RBM26: variants seen among roughly 807,000 people sequenced by gnomAD.
RBM26 encodes the protein RNA binding motif protein 26, also known as RNA-binding protein 26.
RBM26 carries 30 observed loss-of-function variants against 123.6 expected under a neutral mutation model. That is an observed-to-expected ratio of 0.24 (90% CI 0.18 to 0.33). RBM26 has a LOEUF of 0.33. Ranked by LOEUF, RBM26 falls within the 10% of genes least tolerant of loss-of-function variation. The pLI is 1.00. For synonymous variants in RBM26, 400 were observed against 404.4 expected, an observed-to-expected ratio of 0.99 and a Z score of 0.13; for missense variants, 947 against 1,203.6, an observed-to-expected ratio of 0.79 and a Z score of 3.15.
Position 79,355,279 on chromosome 13 carries a change from T to G in RBM26, c.1795A>C (p.Ile599Leu), listed in dbSNP as rs1313236041. ...CCTTCTCTGTGCCAATAAACCTTAATAAAGCGATTGTTTAATACTGCTTCC... is the reference window on the plus strand; with the variant it reads ...CCTTCTCTGTGCCAATAAACCTTAAGAAAGCGATTGTTTAATACTGCTTCC... ...STEAVLNNRF[I>L]KVYWHREGST... Residue 599 changes from isoleucine (I) to leucine (L), a missense_variant, in exon 12 of 22, where the codon ATT becomes CTT. By Grantham distance (5) the Ile-to-Leu change is conservative. Transcript: ENST00000438737. 2 of 1,614,054 alleles carry G rather than the reference T, an allele frequency of 1.2e-6. No homozygotes were observed. The highest frequency in any genetic ancestry group is 1.7e-6 in the Non-Finnish European group (2 of 1,179,898).
At chr13:79,358,637 A>G (rs1210499424) in intron 10 of RBM26, among the ~76,000 whole-genome samples, 1 of 152,194 alleles carries the variant, frequency 6.6e-6, no homozygotes, top group Non-Finnish European at 1.5e-5. Context: ...ATGGAAGCCA[A>G]CTGAGAAGGG....
At chr13:79,383,819 A>G (rs993484285) in intron 1 of RBM26, among the ~76,000 whole-genome samples, 1 of 152,230 alleles carries the variant, frequency 6.6e-6, no homozygotes, top group Non-Finnish European at 1.5e-5. Context: ...AGAAAACAGA[A>G]AAGATAAAAC....
At position 79,366,032 on chromosome 13, in the gene RBM26, T is replaced by C. The variant is rs201881267; in HGVS notation, c.1276+23A>G. On this transcript the variant is annotated intron_variant, in intron 8 of 21. Coordinates refer to ENST00000438737, the MANE Select transcript of RBM26 (RefSeq NM_001366735.2). ...ATCTAAAACTGTGTTACATTACGAA[T>C]ATAAAAAGGGCCAAAACTGCACCTG... 4.4e-5 allele frequency: 71 copies of C among 1,608,478 alleles called. No individual in the cohort carries two copies. The Middle Eastern group carries it at 1.2e-3, about 26-fold the overall frequency.
downstream of RBM26, among the ~76,000 whole-genome samples, chr13:79,316,193 GT>G (rs1275594465): frequency 2.6e-3 from 4 of 1,528 alleles, no homozygotes; most frequent in Admixed American, 0.015. Flanking sequence ...AGTGGGGCAG[GT>G]GTGTGTGTGT....
At chr13:79,322,553 A>G (rs2067809202) in intron 20 of RBM26, 91 bp from the exon 21 acceptor site, 3 of 773,868 alleles carry the variant, frequency 3.9e-6, no homozygotes, top group Admixed American at 3.4e-5. Context: ...AAATTAAAAT[A>G]GCTAAAGACA....
At chr13:79,402,884 C>T (rs2079172392) in intron 1 of RBM26, among the ~76,000 whole-genome samples, 1 of 129,372 alleles carries the variant, frequency 7.7e-6, no homozygotes, top group Non-Finnish European at 1.7e-5. Context: ...TTGCACACTG[C>T]TTAGCACAGA....
At chr13:79,342,156 T>G (rs2071494154) in intron 17 of RBM26, among the ~76,000 whole-genome samples, 1 of 151,746 alleles carries the variant, frequency 6.6e-6, no homozygotes, top group African/African-American at 2.4e-5. Flanking sequence ...AAATATCAAT[T>G]AGAGTCATGA....
At position 79,368,746 on chromosome 13, in the gene RBM26, C is replaced by T. The variant is rs375141093; in HGVS notation, c.879G>A (p.Arg293=). 6.2e-7 allele frequency: 1 copy of T among 1,613,884 alleles called. No individual in the cohort carries two copies. The highest frequency in any genetic ancestry group is 1.7e-5 in the Admixed American group (1 of 60,020). ...AAGACTTACCATCATAGTCTCTACA[C>T]CGTTTCTTTGGCATGGGTGGTCTTA... The part of the protein sequence containing the change: ...SYVRPPMPKK[R]CRDYDEKGFC... The change falls in exon 6 of 22, where the codon CGG becomes CGA. Residue 293 remains arginine, a synonymous_variant. Transcript: ENST00000438737.
chr13:79,368,264 G>A (rs1287311276), intron 6 of RBM26, among the ~76,000 whole-genome samples: 1 of 152,164 alleles, frequency 6.6e-6, no homozygotes, highest in Admixed American at 6.5e-5. Flanking sequence ...CTGACCTCAT[G>A]ATCCACCCAC....
chr13:79,320,177 C>T lies in RBM26; in HGVS notation c.*444G>A. 1.0e-6 allele frequency: 1 copy of T among 952,398 alleles called. No individual in the cohort carries two copies. Among genetic ancestry groups the T allele is most frequent in the Non-Finnish European group, 1.3e-6 (1 of 799,720 alleles). 59.0% of individuals were successfully genotyped at this position (952,398 alleles called of 1,614,324 possible). ...TACTATGTAATATTATAATACATAA[C>T]TTGGAGACTTTAGTTAGAGTACTAT... On this transcript the variant is annotated 3_prime_UTR_variant, in exon 22 of 22. Coordinates refer to ENST00000438737, the MANE Select transcript of RBM26 (RefSeq NM_001366735.2).
At chr13:79,355,841 C>G (rs1045248386) in intron 11 of RBM26, among the ~76,000 whole-genome samples, 3 of 125,976 alleles carry the variant, frequency 2.4e-5, no homozygotes, top group Non-Finnish European at 3.5e-5. Context: ...TCCAAAAGCA[C>G]AAGAAAATTT....
At chr13:79,371,520 G>A (rs1180834875) in intron 4 of RBM26, among the ~76,000 whole-genome samples, 1 of 151,288 alleles carries the variant, frequency 6.6e-6, no homozygotes, top group Non-Finnish European at 1.5e-5. Context: ...TTTGAAGCCT[G>A]AATGAGAAAA....
chr13:79,373,422 AAAATATAAATATATATTATATATT>A (rs2076254591), intron 3 of RBM26, among the ~76,000 whole-genome samples: 1 of 10,110 alleles, frequency 9.9e-5, no homozygotes, highest in Admixed American at 1.4e-3. Flanking sequence ...ATATATAAAT[AAAATATAAATATATATTATATATT>A]ATATATAAAT....
chr13:79,372,837 A>T (rs1328981896), intron 3 of RBM26, among the ~76,000 whole-genome samples: 1,496 of 97,354 alleles, frequency 0.015, 407 homozygotes, highest in African/African-American at 0.088. Context: ...TTTTATATAA[A>T]TATATTATAT....
rs1005763011 is a variant in RBM26 at position 79,344,391 on chromosome 13, A to G, written c.2185-69T>C. 131 of 1,232,206 alleles carry G rather than the reference A, an allele frequency of 1.1e-4. No homozygotes were observed. The African/African-American group carries it at 1.7e-3, about 16-fold the overall frequency. The allele number at this position is 1,232,206 out of a possible 1,614,324, so 76.3% of individuals were successfully genotyped here. On this transcript the variant is annotated intron_variant, in intron 15 of 21. Transcript: ENST00000438737. ...TAAACAATATTATTCAAGAGAAGAG[A>G]AATAGTTGTAACTGCAGAAGTCTGT...
Position 79,337,187 on chromosome 13 carries a change from T to G in RBM26, c.2648A>C (p.His883Pro). ...GRGRGRGVPG[H>P]AVVDHRPRAL... is the part of the protein sequence containing the mutation. Reference sequence around the variant, plus strand: ...CCTGGGACGGTGATCCACCACAGCATGACCAGGCACACCTCGCCCTCGCCC... The same window carrying G: ...CCTGGGACGGTGATCCACCACAGCAGGACCAGGCACACCTCGCCCTCGCCC... The change falls in exon 19 of 22, where the codon CAT (histidine) becomes CCT (proline). Residue 883 changes from histidine (H) to proline (P), a missense_variant. Physicochemically the swap from His to Pro is moderately conservative, Grantham distance 77. Transcript: ENST00000438737. 6.2e-7 allele frequency: 1 copy of G among 1,614,156 alleles called. No homozygotes were observed. The highest frequency in any genetic ancestry group is 1.1e-5 in the South Asian group (1 of 91,082).
chr13:79,324,366 T>C lies in RBM26; in HGVS notation c.2821-1904A>G, dbSNP rs900140748. 4.6e-5 allele frequency among the ~76,000 whole-genome samples: 7 copies of C among 151,904 alleles called. No individual in the cohort carries two copies. The East Asian group carries it at 1.3e-3, about 29-fold the overall frequency. On this transcript the variant is annotated intron_variant, in intron 20 of 21. Transcript: ENST00000438737. ...CTTGAATGGCCATATATATTATATATTTAGCATAATTAAAGCAATTTCTAC... is the reference window on the plus strand; with the variant it reads ...CTTGAATGGCCATATATATTATATACTTAGCATAATTAAAGCAATTTCTAC...
intron 3 of RBM26, among the ~76,000 whole-genome samples, chr13:79,373,479 CAA>C (rs2076295482): frequency 1.4e-3 from 2 of 1,476 alleles, no homozygotes; most frequent in Admixed American, 0.02. Context: ...TATAAATATA[CAA>C]ATATATATAA....
chr13:79,363,982 G>A (rs2074996116), intron 9 of RBM26, among the ~76,000 whole-genome samples: 1 of 152,126 alleles, frequency 6.6e-6, no homozygotes, highest in Non-Finnish European at 1.5e-5. Flanking sequence ...GTTATCCAAA[G>A]AAGAAAAGAG....
Sources: allele counts gnomAD v4.1 joint callset (sites outside exome capture counted in the v4.1 genomes callset), GRCh38; gene constraint gnomAD v4.1.1; transcripts MANE v1.5; gene names NCBI Gene and HGNC (gene_info 2026-07-23, HGNC 2026-07-21).